Variants in PTPRB observed in about 807,000 individuals in gnomAD.
PTPRB encodes receptor-type tyrosine-protein phosphatase beta.
PTPRB carries 97 observed loss-of-function variants against 238.1 expected under a neutral mutation model. The ratio of observed to expected loss-of-function variants is 0.41; its 90% CI spans 0.35 to 0.48. The LOEUF is 0.48. Among genes scored for constraint, PTPRB ranks in the 20% least tolerant of loss-of-function variants. The pLI is 0.30. For synonymous variants in PTPRB, 970 were observed against 995.4 expected (o/e 0.97, Z 0.48); for missense variants, 2,292 against 2,681.9 (o/e 0.85, Z 3.21).
At chr12:70,548,751 T>C (rs2136286565) in intron 21 of PTPRB, among the ~76,000 whole-genome samples, 1 of 152,302 alleles carries the variant, frequency 6.6e-6, no homozygotes, top group East Asian at 1.9e-4. Context: ...CACAGTCCTC[T>C]CTCGTCCTAT....
Position 70,571,945 on chromosome 12 carries a change from G to A in PTPRB, c.2985C>T (p.Ser995=), listed in dbSNP as rs998267638. 4 of 1,613,958 alleles carry A rather than the reference G, an allele frequency of 2.5e-6. No individual in the cohort carries two copies. The highest frequency in any genetic ancestry group is 3.4e-6 in the Non-Finnish European group (4 of 1,179,862). ...CACATTCGTTTTCTGACTTGGGAAT[G>A]CTTTTAGTTTGAATGAAGTTGTTTT... is the stretch of plus-strand genomic sequence containing the variant. ...KNKNNFIQTK[S]IPKSENECVF... The change falls in exon 12 of 34, where the codon AGC becomes AGT. Residue 995 remains serine, a synonymous_variant. Coordinates refer to ENST00000334414, the MANE Select transcript of PTPRB (RefSeq NM_001109754.4).
In PTPRB at chr12:70,556,451, T is replaced by C. The variant is rs951041555; in HGVS notation, c.4715-303A>G. Among the ~76,000 whole-genome samples, 13 of 151,912 alleles carry C rather than the reference T, an allele frequency of 8.6e-5. 1 individual carries two copies. The highest frequency in any genetic ancestry group is 3.1e-4 in the African/African-American group (13 of 41,328). On this transcript the variant is annotated intron_variant, in intron 18 of 33. Transcript: ENST00000334414. ...GTCTCTGAGCCTGAGGATATATCAA[T>C]AGAGACCTTCCAAATGGAAAAAGCA...
intron 4 of PTPRB, among the ~76,000 whole-genome samples, chr12:70,603,321 C>T (rs1033937236): frequency 3.9e-5 from 6 of 152,116 alleles, no homozygotes; most frequent in African/African-American, 1.4e-4. Context: ...AATAGTGACT[C>T]GCAATTGCTT....
intron 21 of PTPRB, among the ~76,000 whole-genome samples, chr12:70,548,366 A>T (rs1457687632): frequency 3.3e-5 from 5 of 151,590 alleles, no homozygotes; most frequent in South Asian, 2.1e-4. Context: ...ACACACACAC[A>T]CACACACACA....
In PTPRB at chr12:70,530,150, C is replaced by T. The variant is rs577040286; in HGVS notation, c.6504+1885G>A. On this transcript the variant is annotated intron_variant, in intron 32 of 33. Coordinates refer to ENST00000334414, the MANE Select transcript of PTPRB (RefSeq NM_001109754.4). ...ACTTCAACCAAATGAAATATGTAAA[C>T]TCTGGATTCTAATGAAAACCAAATA... 2.6e-5 allele frequency among the ~76,000 whole-genome samples: 4 copies of T among 152,196 alleles called. No homozygotes were observed. In the South Asian group the frequency reaches 6.2e-4, roughly 24 times the overall value.
At chr12:70,632,428 G>C (rs939324523) in intron 2 of PTPRB, among the ~76,000 whole-genome samples, 3 of 151,948 alleles carry the variant, frequency 2.0e-5, no homozygotes, top group Non-Finnish European at 2.9e-5. Flanking sequence ...GGTCCTGTCG[G>C]GGGGTGGGGG....
At position 70,571,749 on chromosome 12, in the gene PTPRB, A is replaced by T. The variant is rs79224531; in HGVS notation, c.3106+75T>A. ...AATGTACTAATGAATAAGCAGAAAA[A>T]ATTCAAGGTTCAGATAAATTACTAG... On this transcript the variant is annotated intron_variant, in intron 12 of 33. Transcript: ENST00000334414. The T allele has an allele frequency of 3.2e-3, 4,784 of 1,501,880 alleles. 104 individuals are homozygous for T. In the African/African-American group the frequency reaches 0.054, roughly 17 times the overall value. 93.0% of individuals were successfully genotyped at this position (1,501,880 alleles called of 1,614,324 possible). A position where few individuals can be genotyped will look rare whatever the true frequency, so the allele number is the denominator to read the frequency against.
chr12:70,541,865 C>A (rs1440730085), intron 22 of PTPRB: 1 of 151,520 alleles, frequency 6.6e-6, no homozygotes, highest in Non-Finnish European at 1.5e-5. Flanking sequence ...CATTGATGGA[C>A]ATTTAAATTG....
intron 1 of PTPRB, among the ~76,000 whole-genome samples, chr12:70,636,876 C>T (rs575702527): frequency 6.6e-6 from 1 of 152,240 alleles, no homozygotes; most frequent in East Asian, 1.9e-4. Flanking sequence ...ACTTAAATTG[C>T]CCAGCTCGCT....
intron 21 of PTPRB, 53 bp downstream of exon 21, chr12:70,552,724 T>C (rs1877077662): frequency 1.3e-6 from 2 of 1,596,638 alleles, no homozygotes; most frequent in South Asian, 1.1e-5. Context: ...GACAGCTGAG[T>C]GCTTAGTAAT....
intron 29 of PTPRB, among the ~76,000 whole-genome samples, chr12:70,535,637 A>T (rs892148079): frequency 6.6e-6 from 1 of 152,086 alleles, no homozygotes; most frequent in African/African-American, 2.4e-5. Flanking sequence ...TTATTATTTT[A>T]CTTTGTGTCT....
At chr12:70,626,296 C>CATCCATCCATCT (rs1340352590) in intron 2 of PTPRB, among the ~76,000 whole-genome samples, 5 of 91,940 alleles carry the variant, frequency 5.4e-5, no homozygotes, top group East Asian at 6.6e-4. Flanking sequence ...TCTATCCATC[C>CATCCATCCATCT]ATCTATCTAT....
At chr12:70,523,400 A>C (rs1043967187) in intron 33 of PTPRB, among the ~76,000 whole-genome samples, 10 of 151,032 alleles carry the variant, frequency 6.6e-5, no homozygotes, top group Non-Finnish European at 1.0e-4. Context: ...CTTCATGCAT[A>C]ATTTTTTTTT....
chr12:70,535,482 T>G (rs1201839100), intron 29 of PTPRB, among the ~76,000 whole-genome samples: 1 of 152,160 alleles, frequency 6.6e-6, no homozygotes, highest in Non-Finnish European at 1.5e-5. Flanking sequence ...GGAAGAGGAA[T>G]GTAAGCATAT....
chr12:70,627,306 G>A (rs1885249296), intron 2 of PTPRB, among the ~76,000 whole-genome samples: 1 of 152,146 alleles, frequency 6.6e-6, no homozygotes, highest in African/African-American at 2.4e-5. Context: ...AGGGAAAGGG[G>A]AGCTGGAAAG....
At chr12:70,561,010 CTA>C in intron 16 of PTPRB, 76 bp from the exon 17 acceptor site, 1 of 1,432,074 alleles carries the variant, frequency 7.0e-7, no homozygotes, top group South Asian at 1.2e-5. Flanking sequence ...AGAGTATATG[CTA>C]TGTTGGGCAT....
At chr12:70,603,416 C>T (rs1883685349) in intron 4 of PTPRB, among the ~76,000 whole-genome samples, 1 of 152,080 alleles carries the variant, frequency 6.6e-6, no homozygotes, top group Non-Finnish European at 1.5e-5. Context: ...GATATTTGGT[C>T]CTCTTTAAAA....
chr12:70,608,287 C>G (rs186260317), intron 4 of PTPRB, among the ~76,000 whole-genome samples: 1 of 152,136 alleles, frequency 6.6e-6, no homozygotes, highest in Non-Finnish European at 1.5e-5. Flanking sequence ...GAATTTAGAG[C>G]ATGTCTGAGG....
chr12:70,620,187 A>G (rs907109412), intron 3 of PTPRB, among the ~76,000 whole-genome samples: 3 of 152,194 alleles, frequency 2.0e-5, no homozygotes, highest in Non-Finnish European at 2.9e-5. Context: ...AGCTCATATA[A>G]ACACTGCAGT....
Sources: allele counts gnomAD v4.1 joint callset (sites outside exome capture counted in the v4.1 genomes callset), GRCh38; gene constraint gnomAD v4.1.1; transcripts MANE v1.5; gene names NCBI Gene and HGNC (gene_info 2026-07-23, HGNC 2026-07-21).